Variants in EFTUD2 observed in about 807,000 individuals in gnomAD.
The protein encoded by EFTUD2 is 116 kDa U5 small nuclear ribonucleoprotein component.
EFTUD2 carries 9 observed loss-of-function variants against 114.3 expected under a neutral mutation model. That is an observed-to-expected ratio of 0.08 (90% CI 0.05 to 0.14). The LOEUF (loss-of-function observed/expected upper bound fraction) is 0.14, where lower values mean the gene tolerates loss of function less well. Ranked by LOEUF, EFTUD2 falls within the 10% of genes least tolerant of loss-of-function variation. The probability of loss-of-function intolerance (pLI) is 1.00; values close to 1 mark genes in which losing one functional copy is unlikely to be tolerated. For missense variants in EFTUD2, 765 were observed against 1,241.2 expected, an observed-to-expected ratio of 0.62 and a Z score of 5.76; for synonymous variants, 449 against 462.3, an observed-to-expected ratio of 0.97 and a Z score of 0.37.
Position 44,860,232 on chromosome 17 carries a change from G to A in EFTUD2, c.1720-187C>T. The A allele has an allele frequency of 1.2e-5, 10 of 851,618 alleles. No homozygotes were observed. In the South Asian group the frequency reaches 1.6e-4, roughly 13 times the overall value. 52.8% of individuals were successfully genotyped at this position (851,618 alleles called of 1,614,324 possible). ...AGGTATTCTGGCAGAACAAAGAGAG[G>A]AGGAAAATAATAAAAGGCACCCGTC... is the stretch of plus-strand genomic sequence containing the variant. On this transcript the variant is annotated intron_variant, in intron 17 of 27. Transcript: ENST00000426333.
chr17:44,853,421 G>C, intron 24 of EFTUD2, 31 bp from the exon 25 acceptor site: 3 of 1,613,220 alleles, frequency 1.9e-6, no homozygotes, highest in Non-Finnish European at 2.5e-6. Context: ...AGGCCCCTCA[G>C]CTTGGGGAAG....
Position 44,850,433 on chromosome 17 carries a change from A to C in EFTUD2, c.*841T>G, listed in dbSNP as rs752583621. The C allele has an allele frequency of 2.0e-6, 3 of 1,471,772 alleles. No individual in the cohort carries two copies. The highest frequency in any genetic ancestry group is 1.7e-5 in the Admixed American group (1 of 57,738). 91.2% of individuals were successfully genotyped at this position (1,471,772 alleles called of 1,614,324 possible). On this transcript the variant is annotated 3_prime_UTR_variant, in exon 28 of 28. Transcript: ENST00000426333. ...GAGCCGGGGCTGTCCAACTCCCCTAACTCAATCCCTGGTACATTCCTAATA... is the reference window on the plus strand; with the variant it reads ...GAGCCGGGGCTGTCCAACTCCCCTACCTCAATCCCTGGTACATTCCTAATA...
intron 4 of EFTUD2, among the ~76,000 whole-genome samples, 193 bp downstream of exon 4, chr17:44,885,063 A>G (rs942548190): frequency 6.6e-6 from 1 of 152,222 alleles, no homozygotes; most frequent in African/African-American, 2.4e-5. Flanking sequence ...AACAGCTAAC[A>G]TTTGGATGAA....
chr17:44,868,173 T>TTA lies in EFTUD2; in HGVS notation c.1058+113_1058+114insTA, dbSNP rs1555566588. The TTA allele has an allele frequency of 4.7e-4, 382 of 813,868 alleles. No homozygotes were observed. In the African/African-American group the frequency reaches 5.1e-3, roughly 11 times the overall value. 50.4% of individuals were successfully genotyped at this position (813,868 alleles called of 1,614,324 possible). A position where few individuals can be genotyped will look rare whatever the true frequency, so the allele number is the denominator to read the frequency against. On this transcript the variant is annotated intron_variant, in intron 12 of 27. Transcript: ENST00000426333. ...GGGGAGGAAAGACGGTAGTTTACAT[T>TTA]AAAAAAAAAAAAAAAAGTAGGTATT... is the stretch of plus-strand genomic sequence containing the variant.
intron 13 of EFTUD2, among the ~76,000 whole-genome samples, chr17:44,866,408 T>G (rs572303338): frequency 7.0e-6 from 1 of 141,846 alleles, no homozygotes; most frequent in Non-Finnish European, 1.5e-5. Context: ...CCAGTCCCAG[T>G]TGATTTATTT....
chr17:44,855,328 C>T (rs532599949), intron 20 of EFTUD2, among the ~76,000 whole-genome samples: 35 of 152,192 alleles, frequency 2.3e-4, no homozygotes, highest in African/African-American at 7.7e-4. Flanking sequence ...TTTGGGAGGC[C>T]GAGGTGGGCG....
In EFTUD2 at chr17:44,858,784, C is replaced by T. The variant is rs549102560; in HGVS notation, c.1962+296G>A. On this transcript the variant is annotated intron_variant, in intron 19 of 27. Coordinates refer to ENST00000426333, the MANE Select transcript of EFTUD2 (RefSeq NM_004247.4). ...TTTAATTTTTGTAGAGGCAGTGTCT[C>T]ACTTTGTTGCTCAGGTTGGTCTTGA... Among the ~76,000 whole-genome samples the T allele has an allele frequency of 2.0e-5, 3 of 152,092 alleles. No homozygotes were observed. In the East Asian group the frequency reaches 5.8e-4, roughly 29 times the overall value.
intron 23 of EFTUD2, 109 bp from the exon 24 acceptor site, chr17:44,853,744 G>T: frequency 6.5e-7 from 1 of 1,546,342 alleles, no homozygotes; most frequent in Admixed American, 1.9e-5. Context: ...AGTCATGAAA[G>T]ACATGGTACA....
At position 44,894,754 on chromosome 17, in the gene EFTUD2, G is replaced by A. The variant is rs75707322; in HGVS notation, c.-4-229C>T. 0.057 allele frequency among the ~76,000 whole-genome samples: 8,614 copies of A among 152,176 alleles called. 312 individuals carry two copies. Among genetic ancestry groups the A allele is most frequent in the Non-Finnish European group, 0.088 (6,001 of 67,998 alleles). ...TCTTCCCTCCACTTTTCTTGTTTTG[G>A]GTTTTAAGGAGCAGAGAGTTGAATA... On this transcript the variant is annotated intron_variant, in intron 1 of 27. Coordinates refer to ENST00000426333, the MANE Select transcript of EFTUD2 (RefSeq NM_004247.4).
intron 11 of EFTUD2, among the ~76,000 whole-genome samples, chr17:44,868,890 C>T (rs944322901): frequency 6.6e-6 from 1 of 152,164 alleles, no homozygotes; most frequent in African/African-American, 2.4e-5. Flanking sequence ...TCATCTTTCA[C>T]CAATTAATAT....
chr17:44,896,646 C>CG (rs2051390467), intron 1 of EFTUD2, among the ~76,000 whole-genome samples: 1 of 151,742 alleles, frequency 6.6e-6, no homozygotes, highest in African/African-American at 2.4e-5. Context: ...GACTCCGTCT[C>CG]GAAAAAAATA....
intron 19 of EFTUD2, among the ~76,000 whole-genome samples, chr17:44,858,702 C>T (rs1389575403): frequency 6.6e-6 from 1 of 152,130 alleles, no homozygotes; most frequent in Admixed American, 6.5e-5. Flanking sequence ...CTCAGTCTCC[C>T]AAAGTGCTGC....
intron 2 of EFTUD2, among the ~76,000 whole-genome samples, chr17:44,887,459 T>C (rs754611551): frequency 5.3e-5 from 8 of 152,204 alleles, no homozygotes; most frequent in Admixed American, 4.6e-4. Context: ...ATGTGGTACA[T>C]CCATACAAAA....
intron 2 of EFTUD2, among the ~76,000 whole-genome samples, chr17:44,892,631 CTTT>C (rs967860195): frequency 3.9e-5 from 4 of 101,360 alleles, no homozygotes; most frequent in African/African-American, 1.2e-4. Context: ...ACTGTAAAAC[CTTT>C]TTTTTTTTTT....
chr17:44,862,233 G>C (rs2050671662), intron 16 of EFTUD2, among the ~76,000 whole-genome samples: 1 of 152,136 alleles, frequency 6.6e-6, no homozygotes, highest in African/African-American at 2.4e-5. Context: ...CCAGGAGTTG[G>C]AGACCAGCCT....
chr17:44,855,890 T>C (rs2050541543), intron 20 of EFTUD2, among the ~76,000 whole-genome samples: 1 of 150,582 alleles, frequency 6.6e-6, no homozygotes, highest in Admixed American at 6.6e-5. Flanking sequence ...AGGCAGAGGT[T>C]CCAGTGAGCT....
rs1431489202 is a variant in EFTUD2, at chr17:44,854,882, C to T, written c.2132+36G>A. On this transcript the variant is annotated intron_variant, in intron 21 of 27. Coordinates refer to ENST00000426333, the MANE Select transcript of EFTUD2 (RefSeq NM_004247.4). This position sits in a 1 kb window ranked among gnomAD's most constrained non-coding sequence, Gnocchi z 4.3. Reference sequence around the variant, plus strand: ...GGCAGTTAAACTGTGGCATCCCTGCCTCCTTTCGACCCTGGCGTCAGAGCC... The same window carrying T: ...GGCAGTTAAACTGTGGCATCCCTGCTTCCTTTCGACCCTGGCGTCAGAGCC... 6.2e-7 allele frequency: 1 copy of T among 1,605,900 alleles called. No homozygotes were observed. The highest frequency in any genetic ancestry group is 2.2e-5 in the East Asian group (1 of 44,850).
chr17:44,863,433 G>C, intron 15 of EFTUD2: 1 of 501,088 alleles, frequency 2.0e-6, no homozygotes, highest in South Asian at 2.7e-5. Flanking sequence ...TTATGCTCGT[G>C]TTATAGACCA....
intron 19 of EFTUD2, among the ~76,000 whole-genome samples, chr17:44,857,946 G>A (rs1442172902): frequency 1.9e-5 from 2 of 103,052 alleles, no homozygotes; most frequent in African/African-American, 4.4e-5. Context: ...TTTTGAGACA[G>A]AGTCTCGCCC....
Sources: gnomAD v4.1 joint callset for allele counts (sites outside exome capture counted in the v4.1 genomes callset) on GRCh38, gnomAD v4.1.1 for gene constraint, Gnocchi (gnomAD v3.1) non-coding constraint, MANE v1.5 for transcripts, NCBI Gene and HGNC (gene_info 2026-07-23, HGNC 2026-07-21) for gene names.